The following SLC35E3 variants were observed in gnomAD, a reference collection of about 807,000 sequenced individuals.
The protein encoded by SLC35E3 is solute carrier family 35 member E3, also known as bladder cancer-overexpressed gene 1 protein.
SLC35E3 carries 28 observed loss-of-function variants against 30.8 expected under a neutral mutation model. That is an observed-to-expected ratio of 0.91 (90% confidence interval 0.67 to 1.25). The LOEUF is 1.25. Among genes scored for constraint, SLC35E3 ranks in the 50% most tolerant of loss-of-function variants. The probability of loss-of-function intolerance (pLI) is 0.00; values close to 1 mark genes in which losing one functional copy is unlikely to be tolerated. For synonymous variants in SLC35E3, 146 were observed against 149.2 expected (o/e 0.98, Z 0.16); for missense variants, 365 against 375.4 (o/e 0.97, Z 0.23).
At position 68,781,001 on chromosome 12, in the gene SLC35E3, CACTG is replaced by C. The variant is rs1879871150; in HGVS notation, c.*16113_*16116del. On this transcript the variant is annotated 3_prime_UTR_variant, in exon 5 of 5. Coordinates refer to ENST00000398004, the MANE Select transcript of SLC35E3 (RefSeq NM_018656.5). Reference sequence around the variant, plus strand: ...GGAACAGAGGCAGACCTGGGGCTGACACTGAATGAATGCTACTCACAGCAGTAAG... The same window carrying C: ...GGAACAGAGGCAGACCTGGGGCTGACAATGAATGCTACTCACAGCAGTAAG... 1 of 152,098 alleles carries C rather than the reference CACTG, an allele frequency of 6.6e-6. No homozygotes were observed. Among genetic ancestry groups the C allele is most frequent in the Non-Finnish European group, 1.5e-5 (1 of 68,028 alleles). 9.4% of individuals were successfully genotyped at this position (152,098 alleles called of 1,614,324 possible). A position where few individuals can be genotyped will look rare whatever the true frequency, so the allele number is the denominator to read the frequency against.
Position 68,746,237 on chromosome 12 carries a change from C to G in SLC35E3, c.-141C>G. On this transcript the variant is annotated 5_prime_UTR_variant, in exon 1 of 5. Transcript: ENST00000398004. ...GTCCTCTGTTAAGAGTGCTACTCGC[C>G]CGGGGTTGATCTGTGCATGCCACTC... The G allele has an allele frequency of 1.3e-6, 1 of 747,754 alleles. No individual in the cohort carries two copies. Among genetic ancestry groups the G allele is most frequent in the South Asian group, 1.9e-5 (1 of 52,556 alleles). 46.3% of individuals were successfully genotyped at this position (747,754 alleles called of 1,614,324 possible).
intron 2 of SLC35E3, among the ~76,000 whole-genome samples, chr12:68,749,156 G>A (rs1224594925): frequency 6.6e-6 from 1 of 152,080 alleles, no homozygotes; most frequent in Non-Finnish European, 1.5e-5. Flanking sequence ...GACCATTTTT[G>A]TTCACACAAG....
At position 68,780,397 on chromosome 12, in the gene SLC35E3, C is replaced by G. The variant is rs936638138; in HGVS notation, c.*15507C>G. On this transcript the variant is annotated 3_prime_UTR_variant, in exon 5 of 5. Coordinates refer to ENST00000398004, the MANE Select transcript of SLC35E3 (RefSeq NM_018656.5). ...CATGTTGCCCTGTCTAGTCTTGAAACCTTGAGCTCAAGAGATCTGCCCACC... is the reference window on the plus strand; with the variant it reads ...CATGTTGCCCTGTCTAGTCTTGAAAGCTTGAGCTCAAGAGATCTGCCCACC... 2.2e-4 allele frequency: 33 copies of G among 151,970 alleles called. No homozygotes were observed. Among genetic ancestry groups the G allele is most frequent in the African/African-American group, 8.0e-4 (33 of 41,400 alleles). The allele number at this position is 151,970 out of a possible 1,614,324, so 9.4% of individuals were successfully genotyped here. A position where few individuals can be genotyped will look rare whatever the true frequency, so the allele number is the denominator to read the frequency against.
At chr12:68,758,267 A>G (rs1209004284) in intron 3 of SLC35E3, among the ~76,000 whole-genome samples, 1 of 152,004 alleles carries the variant, frequency 6.6e-6, no homozygotes, top group Non-Finnish European at 1.5e-5. Context: ...AAAAATACAA[A>G]AAATTAGCCG....
intron 4 of SLC35E3, among the ~76,000 whole-genome samples, chr12:68,761,128 T>C (rs1879220108): frequency 6.6e-6 from 1 of 152,214 alleles, no homozygotes; most frequent in Non-Finnish European, 1.5e-5. Context: ...GGGAATGTGG[T>C]AGGCTGAGAA....
intron 3 of SLC35E3, 133 bp from the exon 4 acceptor site, chr12:68,759,024 C>G (rs1026492627): frequency 7.1e-6 from 5 of 702,968 alleles, no homozygotes; most frequent in Non-Finnish European, 1.2e-5. Flanking sequence ...CCACCGCGCC[C>G]GGCCCTCTCT....
chr12:68,756,973 C>A (rs1879040539), intron 3 of SLC35E3, among the ~76,000 whole-genome samples: 2 of 152,178 alleles, frequency 1.3e-5, no homozygotes, highest in African/African-American at 4.8e-5. Context: ...CGAGATCGTG[C>A]CACTGCACTC....
At chr12:68,759,310 A>T in intron 4 of SLC35E3, 71 bp downstream of exon 4, 1 of 1,088,490 alleles carries the variant, frequency 9.2e-7, no homozygotes, top group African/African-American at 1.6e-5. Flanking sequence ...TCATTACCTT[A>T]TTTGAATCTC....
chr12:68,746,820 C>T, intron 1 of SLC35E3, 41 bp downstream of exon 1: 2 of 1,521,406 alleles, frequency 1.3e-6, no homozygotes, highest in Non-Finnish European at 1.8e-6. Context: ...TCTCCCGACC[C>T]ACCTCCTGCA....
chr12:68,776,965 C>A lies in SLC35E3; in HGVS notation c.*12075C>A. On this transcript the variant is annotated 3_prime_UTR_variant, in exon 5 of 5. Coordinates refer to ENST00000398004, the MANE Select transcript of SLC35E3 (RefSeq NM_018656.5). ...TCAGTTACCCAATATACCCCTCGCC[C>A]CAGCCCCATCCCTAGTCACCCCTCA... is the stretch of plus-strand genomic sequence containing the variant. 6.6e-6 allele frequency: 1 copy of A among 152,300 alleles called. No homozygotes were observed. 9.4% of individuals were successfully genotyped at this position (152,300 alleles called of 1,614,324 possible).
At chr12:68,756,249 TTTCG>T (rs1878996538) in intron 3 of SLC35E3, among the ~76,000 whole-genome samples, 1 of 151,428 alleles carries the variant, frequency 6.6e-6, no homozygotes, top group African/African-American at 2.4e-5. Context: ...AGAGGATTTT[TTTCG>T]TAGCCTTCTA....
intron 3 of SLC35E3, among the ~76,000 whole-genome samples, chr12:68,758,935 G>A (rs553308479): frequency 2.6e-4 from 40 of 151,706 alleles, no homozygotes; most frequent in Non-Finnish European, 5.0e-4. Flanking sequence ...TAGAGATGGG[G>A]TTTCACCATG....
intron 2 of SLC35E3, 78 bp downstream of exon 2, chr12:68,748,118 ATACAG>A: frequency 1.2e-6 from 1 of 834,564 alleles, no homozygotes; most frequent in Admixed American, 1.9e-5. Context: ...GGTTTAGAAA[ATACAG>A]TATAGAGACA....
chr12:68,775,804 C>G lies in SLC35E3; in HGVS notation c.*10914C>G, dbSNP rs2136087422. On this transcript the variant is annotated 3_prime_UTR_variant, in exon 5 of 5. Coordinates refer to ENST00000398004, the MANE Select transcript of SLC35E3 (RefSeq NM_018656.5). ...CTCTACTAAAAATATAAAAATTAGC[C>G]AGGCATGCTGGCGTGTGCCTGTAAT... 6.7e-6 allele frequency: 1 copy of G among 149,580 alleles called. No individual in the cohort carries two copies. Among genetic ancestry groups the G allele is most frequent in the East Asian group, 2.0e-4 (1 of 5,034 alleles). The allele number at this position is 149,580 out of a possible 1,614,324, so 9.3% of individuals were successfully genotyped here. A position where few individuals can be genotyped will look rare whatever the true frequency, so the allele number is the denominator to read the frequency against.
Position 68,775,918 on chromosome 12 carries a change from A to G in SLC35E3, c.*11028A>G, listed in dbSNP as rs1336244634. 1 of 123,488 alleles carries G rather than the reference A, an allele frequency of 8.1e-6. No homozygotes were observed. Among genetic ancestry groups the G allele is most frequent in the Non-Finnish European group, 1.6e-5 (1 of 62,468 alleles). 7.6% of individuals were successfully genotyped at this position (123,488 alleles called of 1,614,324 possible). On this transcript the variant is annotated 3_prime_UTR_variant, in exon 5 of 5. Coordinates refer to ENST00000398004, the MANE Select transcript of SLC35E3 (RefSeq NM_018656.5). ...AGCTGGAATCACACTATTACACTCC[A>G]GCCTGGGTGACAAGAGCGAAACTCT...
rs1879411055 is a variant in SLC35E3 at position 68,766,273 on chromosome 12, G to A, written c.*1383G>A. ...AGGTTGAGGCAGGCAGATCACCTGA[G>A]GTTGGGAGTTCAAGACCAGTCTGAC... On this transcript the variant is annotated 3_prime_UTR_variant, in exon 5 of 5. Coordinates refer to ENST00000398004, the MANE Select transcript of SLC35E3 (RefSeq NM_018656.5). 6.6e-6 allele frequency: 1 copy of A among 151,966 alleles called. No individual in the cohort carries two copies. Among genetic ancestry groups the A allele is most frequent in the Admixed American group, 6.6e-5 (1 of 15,234 alleles). The allele number at this position is 151,966 out of a possible 1,614,324, so 9.4% of individuals were successfully genotyped here.
intron 3 of SLC35E3, among the ~76,000 whole-genome samples, chr12:68,756,322 G>GAAAAAAAAAAAAAAAAAA (rs1879002098): frequency 7.4e-6 from 1 of 134,810 alleles, no homozygotes. Context: ...AAAAAAAAAG[G>GAAAAAAAAAAAAAAAAAA]CAAAGAAACC....
At position 68,781,098 on chromosome 12, in the gene SLC35E3, GA is replaced by G. The variant is rs2136091128; in HGVS notation, c.*16209del. 1 of 128,044 alleles carries G rather than the reference GA, an allele frequency of 7.8e-6. No individual in the cohort carries two copies. Among genetic ancestry groups the G allele is most frequent in the Admixed American group, 7.1e-5 (1 of 14,070 alleles). 7.9% of individuals were successfully genotyped at this position (128,044 alleles called of 1,614,324 possible). ...ATGTCTTTGGGGAAGAAAAATTCAG[GA>G]TGAGTTTATTGAGAGCATTATTTTT... On this transcript the variant is annotated 3_prime_UTR_variant, in exon 5 of 5. Transcript: ENST00000398004.
In SLC35E3 at chr12:68,746,405, G is replaced by T. The variant is rs1268770559; in HGVS notation, c.28G>T (p.Gly10Cys). The T allele has an allele frequency of 6.2e-7, 1 of 1,605,510 alleles. No homozygotes were observed. Among genetic ancestry groups the T allele is most frequent in the Non-Finnish European group, 8.5e-7 (1 of 1,175,016 alleles). The change falls in exon 1 of 5, where the codon GGC (glycine) becomes TGC (cysteine). Residue 10 changes from glycine (G) to cysteine (C), a missense_variant. By Grantham distance (159) the Gly-to-Cys change is radical (BLOSUM62 -3). Coordinates refer to ENST00000398004, the MANE Select transcript of SLC35E3 (RefSeq NM_018656.5). MALLVDRVR[G>C]HWRIAAGLLF... The stretch of plus-strand genomic sequence containing the variant: ...GGCATTGCTGGTGGACCGAGTGCGG[G>T]GCCACTGGCGAATCGCCGCCGGGCT...
Sources: gnomAD v4.1 joint callset for allele counts (sites outside exome capture counted in the v4.1 genomes callset) on GRCh38, gnomAD v4.1.1 for gene constraint, MANE v1.5 for transcripts, NCBI Gene and HGNC (gene_info 2026-07-23, HGNC 2026-07-21) for gene names.